The following ZNF540 variants were observed in gnomAD, a reference collection of about 807,000 sequenced individuals.
ZNF540 encodes CTD-3064H18.6.
In ZNF540, 3 loss-of-function variants were observed where a neutral mutation model predicts 11.8. The observed-to-expected ratio is 0.25, with a 90% CI of 0.12 to 0.65. The LOEUF is 0.65. Ranked by LOEUF, ZNF540 falls within the 30% of genes least tolerant of loss-of-function variation. The pLI is 0.83. For missense variants in ZNF540, 709 were observed against 793.1 expected, an observed-to-expected ratio of 0.89 and a Z score of 1.27; for synonymous variants, 247 against 259.0, an observed-to-expected ratio of 0.95 and a Z score of 0.45.
upstream of ZNF540, chr19:37,594,738 C>CA (rs1164176672): frequency 3.9e-5 from 6 of 152,394 alleles, no homozygotes; most frequent in African/African-American, 1.2e-4. Flanking sequence ...GCCGCCCACT[C>CA]ACCTGGCCGG....
rs755319539 is a variant in ZNF540 at position 37,565,313 on chromosome 19, A to C, written c.-73+13648A>C. 32 of 1,611,442 alleles carry C rather than the reference A, an allele frequency of 2.0e-5. No individual in the cohort carries two copies. The Admixed American group carries it at 5.2e-4, about 26-fold the overall frequency. ...GTAAGTAAGTTGTGAGCCACGAAAA[A>C]AGGTCTTCCCGCATTCTTTACATTC... On this transcript the variant is annotated intron_variant, in intron 1 of 4. Coordinates refer to the ZNF540 transcript ENST00000592533.
At chr19:37,568,987 C>T (rs1342124323) in intron 1 of ZNF540, among the ~76,000 whole-genome samples, 2 of 151,824 alleles carry the variant, frequency 1.3e-5, no homozygotes, top group Non-Finnish European at 2.9e-5. Context: ...GATGGAGTCT[C>T]GCTCTGTCAT....
intron 1 of ZNF540, among the ~76,000 whole-genome samples, chr19:37,553,229 G>A (rs2042627343): frequency 7.2e-6 from 1 of 138,064 alleles, no homozygotes; most frequent in African/African-American, 2.7e-5. Context: ...CACCTCCTGG[G>A]TTCAAGCGAT....
intron 1 of ZNF540, chr19:37,566,139 C>CT (rs2042849910): frequency 6.2e-7 from 1 of 1,614,038 alleles, no homozygotes; most frequent in Non-Finnish European, 8.5e-7. Flanking sequence ...TCTTGACCCT[C>CT]TAAGTTGCCT....
At chr19:37,552,676 A>G (rs2042618237) in intron 1 of ZNF540, among the ~76,000 whole-genome samples, 1 of 152,136 alleles carries the variant, frequency 6.6e-6, no homozygotes, top group East Asian at 1.9e-4. Flanking sequence ...GGCCGGGTGC[A>G]GTGGGTCATG....
intron 1 of ZNF540, among the ~76,000 whole-genome samples, chr19:37,580,287 T>C (rs897907615): frequency 2.0e-5 from 3 of 152,258 alleles, no homozygotes; most frequent in Non-Finnish European, 2.9e-5. Flanking sequence ...TATACTGTGC[T>C]ACAGCACATT....
chr19:37,570,420 A>G (rs1168727478), intron 1 of ZNF540, among the ~76,000 whole-genome samples: 1 of 152,162 alleles, frequency 6.6e-6, no homozygotes, highest in Non-Finnish European at 1.5e-5. Context: ...CGCTTCACCT[A>G]ACCTCTCCCA....
chr19:37,598,427 A>G lies in ZNF540; in HGVS notation c.-21A>G. On this transcript the variant is annotated 5_prime_UTR_variant, in exon 2 of 5. Coordinates refer to ENST00000316433, the MANE Select transcript of ZNF540 (RefSeq NM_001172225.3). Reference sequence around the variant, plus strand: ...AGAATAATCCTGCGGAAGACTGAGCAGTTCTTGTGAGTGTAAAACCATGGC... The same window carrying G: ...AGAATAATCCTGCGGAAGACTGAGCGGTTCTTGTGAGTGTAAAACCATGGC... 1 of 1,613,694 alleles carries G rather than the reference A, an allele frequency of 6.2e-7. No individual in the cohort carries two copies. Among genetic ancestry groups the G allele is most frequent in the South Asian group, 1.1e-5 (1 of 90,906 alleles).
intron 1 of ZNF540, among the ~76,000 whole-genome samples, chr19:37,566,869 A>G (rs1035302308): frequency 2.0e-5 from 3 of 152,158 alleles, no homozygotes; most frequent in Non-Finnish European, 4.4e-5. Flanking sequence ...ATAAAATCCA[A>G]AGTCCTTAAT....
rs1190651423 is a variant in ZNF540, at chr19:37,563,770, CAT to C, written c.-73+12106_-73+12107del. On this transcript the variant is annotated intron_variant, in intron 1 of 4. Coordinates refer to the ZNF540 transcript ENST00000592533. ...ATGTGGAATATATTCCACATACACACATGTGGAATATATGTATATATTCCACA... is the reference window on the plus strand; with the variant it reads ...ATGTGGAATATATTCCACATACACACGTGGAATATATGTATATATTCCACA... 3.6e-4 allele frequency: 8 copies of C among 22,408 alleles called. 1 individual carries two copies. The highest frequency in any genetic ancestry group is 5.4e-4 in the Admixed American group (1 of 1,846). 1.4% of individuals were successfully genotyped at this position (22,408 alleles called of 1,614,324 possible). A position where few individuals can be genotyped will look rare whatever the true frequency, so the allele number is the denominator to read the frequency against.
intron 4 of ZNF540, among the ~76,000 whole-genome samples, chr19:37,609,309 C>T (rs769751738): frequency 5.3e-5 from 8 of 152,042 alleles, no homozygotes; most frequent in Non-Finnish European, 7.4e-5. Context: ...TTTGGGAGGC[C>T]GAGGTGGGCG....
intron 4 of ZNF540, among the ~76,000 whole-genome samples, chr19:37,601,865 G>C (rs1439480070): frequency 2.0e-5 from 3 of 152,218 alleles, no homozygotes; most frequent in African/African-American, 7.2e-5. Context: ...TATGAATTTA[G>C]AGCTGAGCAG....
chr19:37,603,774 T>G (rs2044059139), intron 4 of ZNF540, among the ~76,000 whole-genome samples: 1 of 152,172 alleles, frequency 6.6e-6, no homozygotes, highest in Non-Finnish European at 1.5e-5. Context: ...TACATAAAAT[T>G]TATCTGTCAA....
rs1555716373 is a variant in ZNF540 at position 37,568,326 on chromosome 19, C to CA, written c.-73+16662dup. ...AAAAACAAAAGCAACTACCCCCCCC[C>CA]ACTTGCCATATACACACCACAGCTC... On this transcript the variant is annotated intron_variant, in intron 1 of 4. Coordinates refer to the ZNF540 transcript ENST00000592533. Among the ~76,000 whole-genome samples the CA allele has an allele frequency of 3.3e-5, 5 of 150,744 alleles. No homozygotes were observed. The South Asian group carries it at 6.5e-4, about 20-fold the overall frequency.
In ZNF540 at chr19:37,586,536, G is replaced by C; in HGVS notation, c.-72-11840G>C. 3 of 975,386 alleles carry C rather than the reference G, an allele frequency of 3.1e-6. No individual in the cohort carries two copies. In the Admixed American group the frequency reaches 6.1e-5, roughly 20 times the overall value. 60.4% of individuals were successfully genotyped at this position (975,386 alleles called of 1,614,324 possible). ...ATTGGGCTCTTTGCTACTATTACTC[G>C]CTAGAATGGGAGACGTTTGGAAGCA... On this transcript the variant is annotated intron_variant, in intron 1 of 4. Coordinates refer to the ZNF540 transcript ENST00000592533.
At position 37,614,047 on chromosome 19, in the gene ZNF540, G is replaced by A. The variant is rs2044153072; in HGVS notation, c.*784G>A. The A allele has an allele frequency of 5.1e-6, 2 of 394,400 alleles. No individual in the cohort carries two copies. The highest frequency in any genetic ancestry group is 6.4e-4 in the Middle Eastern group (1 of 1,572). 24.4% of individuals were successfully genotyped at this position (394,400 alleles called of 1,614,324 possible). ...CCAAGCATGCTGGCACCTTGACCTT[G>A]GACTTTCAGCCTCCAAAACTGTGAG... On this transcript the variant is annotated 3_prime_UTR_variant, in exon 5 of 5. Coordinates refer to ENST00000316433, the MANE Select transcript of ZNF540 (RefSeq NM_001172225.3).
intron 4 of ZNF540, among the ~76,000 whole-genome samples, chr19:37,601,593 A>T (rs1371556629): frequency 6.6e-6 from 1 of 152,230 alleles, no homozygotes; most frequent in Non-Finnish European, 1.5e-5. Context: ...ACAAATGAAT[A>T]TATAATATTA....
At position 37,612,639 on chromosome 19, in the gene ZNF540, C is replaced by A. The variant is rs2044141025; in HGVS notation, c.1359C>A (p.Val453=). The A allele has an allele frequency of 9.3e-6, 15 of 1,613,608 alleles. No homozygotes were observed. Among genetic ancestry groups the A allele is most frequent in the African/African-American group, 1.3e-5 (1 of 74,762 alleles). The change falls in exon 5 of 5, where the codon GTC becomes GTA. Residue 453 remains valine, a synonymous_variant. Coordinates refer to ENST00000316433, the MANE Select transcript of ZNF540 (RefSeq NM_001172225.3). ...ECGKAFMLRS[V]LTEHQRLHTG... ...GGAAAGCCTTTATGCTTCGTTCAGT[C>A]CTTACTGAACATCAGAGACTTCATA... is the stretch of plus-strand genomic sequence containing the variant.
At chr19:37,590,331 G>T (rs188097291), upstream of ZNF540, among the ~76,000 whole-genome samples, 1 of 151,768 alleles carries the variant, frequency 6.6e-6, no homozygotes, top group Non-Finnish European at 1.5e-5. Context: ...GCAGGAGAAC[G>T]GCGTGAACCC....
Sources: gnomAD v4.1 joint callset for allele counts (sites outside exome capture counted in the v4.1 genomes callset) on GRCh38, gnomAD v4.1.1 for gene constraint, MANE v1.5 for transcripts, NCBI Gene and HGNC (gene_info 2026-07-23, HGNC 2026-07-21) for gene names.